GRID1: variants seen among roughly 807,000 people sequenced by gnomAD.
GRID1 encodes the protein glutamate receptor ionotropic, delta-1.
A neutral mutation model predicts 98.0 loss-of-function variants in GRID1; 28 were observed. The ratio of observed to expected loss-of-function variants is 0.29; its 90% CI spans 0.21 to 0.39. The LOEUF (loss-of-function observed/expected upper bound fraction) is 0.39, where lower values mean the gene tolerates loss of function less well. GRID1 is among the 10% of genes least tolerant of loss of function. GRID1 has a pLI of 1.00. For synonymous variants in GRID1, 553 were observed against 538.5 expected, an observed-to-expected ratio of 1.03 and a Z score of -0.37; for missense variants, 1,111 against 1,340.5, an observed-to-expected ratio of 0.83 and a Z score of 2.67.
At chr10:85,636,803 C>G (rs564410685) in intron 13 of GRID1, among the ~76,000 whole-genome samples, 1 of 152,082 alleles carries the variant, frequency 6.6e-6, no homozygotes, top group African/African-American at 2.4e-5. Flanking sequence ...TCATTCAAAG[C>G]CCTGCTTTTG....
intron 8 of GRID1, among the ~76,000 whole-genome samples, chr10:85,792,358 TA>T (rs965565391): frequency 6.6e-6 from 1 of 152,190 alleles, no homozygotes; most frequent in Non-Finnish European, 1.5e-5. Flanking sequence ...GGGCCTCAAA[TA>T]AATCCTGTAT....
At chr10:85,688,392 C>T (rs532950692) in intron 12 of GRID1, among the ~76,000 whole-genome samples, 14 of 152,258 alleles carry the variant, frequency 9.2e-5, no homozygotes, top group African/African-American at 2.9e-4. Context: ...AAAAGAGACA[C>T]GGCTGGAGTG....
chr10:85,994,924 T>C (rs1008884583), intron 4 of GRID1, among the ~76,000 whole-genome samples: 9 of 152,244 alleles, frequency 5.9e-5, no homozygotes, highest in Non-Finnish European at 1.2e-4. Flanking sequence ...CTTATATTTT[T>C]AAACATTTCC....
At chr10:86,257,248 C>T (rs1846934825) in intron 2 of GRID1, among the ~76,000 whole-genome samples, 1 of 152,244 alleles carries the variant, frequency 6.6e-6, no homozygotes, top group African/African-American at 2.4e-5. Context: ...GAGATAACAA[C>T]TGGCAGAGTC....
In GRID1 at chr10:85,619,840, G is replaced by A. The variant is rs142056045; in HGVS notation, c.2360+27C>T. 5.4e-4 allele frequency: 855 copies of A among 1,585,712 alleles called. 3 individuals carry two copies. The highest frequency in any genetic ancestry group is 9.1e-4 in the African/African-American group (68 of 74,490). On this transcript the variant is annotated intron_variant, in intron 14 of 15. Transcript: ENST00000327946. ...TTGACCACTAGAGTCCTGAGGCAGC[G>A]GTAGTTACCTTGCTGCCCAAGCCTA...
intron 2 of GRID1, among the ~76,000 whole-genome samples, chr10:86,342,849 T>C (rs989834092): frequency 5.9e-5 from 9 of 152,258 alleles, no homozygotes; most frequent in African/African-American, 2.2e-4. Flanking sequence ...AAAGGTCTTA[T>C]TTGTCATAAA....
chr10:85,905,645 A>G (rs1204471186), intron 5 of GRID1, among the ~76,000 whole-genome samples: 4 of 152,154 alleles, frequency 2.6e-5, no homozygotes, highest in African/African-American at 9.6e-5. Context: ...CTATTGTAAG[A>G]TACTTATACT....
intron 2 of GRID1, among the ~76,000 whole-genome samples, chr10:86,220,132 G>T (rs1169043691): frequency 6.6e-6 from 1 of 152,184 alleles, no homozygotes; most frequent in Non-Finnish European, 1.5e-5. Flanking sequence ...CCTCCTCCTC[G>T]GGAAGTGTTC....
chr10:86,138,798 CCT>C lies in GRID1; in HGVS notation c.726+19_726+20del. On this transcript the variant is annotated intron_variant, in intron 4 of 15. Coordinates refer to ENST00000327946, the MANE Select transcript of GRID1 (RefSeq NM_017551.3). ...AGCCCTGGGCACCAGGCCCCTGAGGCCTCAGGCCCCCATGACCTACCTCGTTG... is the reference window on the plus strand; with the variant it reads ...AGCCCTGGGCACCAGGCCCCTGAGGCCAGGCCCCCATGACCTACCTCGTTG... The C allele has an allele frequency of 6.3e-7, 1 of 1,599,956 alleles. No individual in the cohort carries two copies. The highest frequency in any genetic ancestry group is 8.6e-7 in the Non-Finnish European group (1 of 1,167,688).
intron 4 of GRID1, among the ~76,000 whole-genome samples, chr10:86,096,877 G>A (rs1410928051): frequency 2.0e-5 from 3 of 152,162 alleles, no homozygotes; most frequent in African/African-American, 7.2e-5. Context: ...CAGGATTCAC[G>A]GGTCCAGGAA....
intron 12 of GRID1, chr10:85,647,900 A>G: frequency 6.5e-6 from 1 of 154,242 alleles, no homozygotes; most frequent in Non-Finnish European, 1.4e-5. Context: ...CATGAGGAAG[A>G]AACGCACTCA....
At position 85,916,151 on chromosome 10, in the gene GRID1, C is replaced by G. The variant is rs1841616976; in HGVS notation, c.780+35G>C. On this transcript the variant is annotated intron_variant, in intron 5 of 15. Coordinates refer to ENST00000327946, the MANE Select transcript of GRID1 (RefSeq NM_017551.3). This position sits in a 1 kb window ranked among gnomAD's most constrained non-coding sequence, Gnocchi z 4.0. ...CTTTACAAGGGGCTAGGGGCTCAGTCCAGGCCGTGCTCATCACATTTCTAG... is the reference window on the plus strand; with the variant it reads ...CTTTACAAGGGGCTAGGGGCTCAGTGCAGGCCGTGCTCATCACATTTCTAG... The G allele has an allele frequency of 6.5e-7, 1 of 1,533,510 alleles. No individual in the cohort carries two copies. Among genetic ancestry groups the G allele is most frequent in the African/African-American group, 1.4e-5 (1 of 73,352 alleles). The allele number at this position is 1,533,510 out of a possible 1,614,324, so 95.0% of individuals were successfully genotyped here.
chr10:85,995,219 T>A (rs961545805), intron 4 of GRID1, among the ~76,000 whole-genome samples: 6 of 152,150 alleles, frequency 3.9e-5, no homozygotes, highest in African/African-American at 1.4e-4. Flanking sequence ...AATCTATCAC[T>A]AGTCGTGGAA....
At chr10:85,605,595 T>C (rs1400125883) in intron 15 of GRID1, 1 of 152,216 alleles carries the variant, frequency 6.6e-6, no homozygotes, top group Non-Finnish European at 1.5e-5. Context: ...AGAAAGAAAG[T>C]TTGAGTGGAC....
Position 86,042,612 on chromosome 10 carries a change from G to A in GRID1, c.726+96207C>T, listed in dbSNP as rs915183638. ...AACTGTAGGCTAACAGCAAACTCAA[G>A]ACCTACAGGATGCACCAAAGAACTC... On this transcript the variant is annotated intron_variant, in intron 4 of 15. Coordinates refer to ENST00000327946, the MANE Select transcript of GRID1 (RefSeq NM_017551.3). Among the ~76,000 whole-genome samples, 4 of 152,274 alleles carry A rather than the reference G, an allele frequency of 2.6e-5. No homozygotes were observed. The East Asian group carries it at 7.7e-4, about 29-fold the overall frequency.
At chr10:85,772,742 C>G (rs1025838176) in intron 8 of GRID1, among the ~76,000 whole-genome samples, 43 of 152,228 alleles carry the variant, frequency 2.8e-4, no homozygotes, top group African/African-American at 1.0e-3. Context: ...ATAAATTCCT[C>G]GACACATACA....
At chr10:85,739,484 T>C (rs897557935) in intron 8 of GRID1, among the ~76,000 whole-genome samples, 2 of 151,716 alleles carry the variant, frequency 1.3e-5, no homozygotes, top group Admixed American at 6.6e-5. Context: ...ACTCAGGAAG[T>C]TGAGGTGGGA....
chr10:85,950,230 G>A (rs1383413642), intron 4 of GRID1, among the ~76,000 whole-genome samples: 4 of 152,198 alleles, frequency 2.6e-5, no homozygotes, highest in African/African-American at 9.7e-5. Flanking sequence ...TAAGCCCAGA[G>A]CAGTGCACCT....
chr10:85,851,225 A>G (rs1283773635), intron 8 of GRID1, among the ~76,000 whole-genome samples: 1 of 152,174 alleles, frequency 6.6e-6, no homozygotes, highest in East Asian at 1.9e-4. Flanking sequence ...CCCACCCCCA[A>G]GACAAATGTC....
Sources: allele counts gnomAD v4.1 joint callset (sites outside exome capture counted in the v4.1 genomes callset), GRCh38; gene constraint gnomAD v4.1.1; non-coding constraint Gnocchi (gnomAD v3.1); transcripts MANE v1.5; gene names NCBI Gene and HGNC (gene_info 2026-07-23, HGNC 2026-07-21).